Variants in RTKN2 observed in about 807,000 individuals in gnomAD.
The protein encoded by RTKN2 is rhotekin 2.
RTKN2 carries 69 observed loss-of-function variants against 71.5 expected under a neutral mutation model. That is an observed-to-expected ratio of 0.96 (90% CI 0.79 to 1.18). The LOEUF (loss-of-function observed/expected upper bound fraction) is 1.18. Ranked by LOEUF, RTKN2 falls within the 50% of genes most tolerant of loss-of-function variation. RTKN2 has a pLI of 0.00. For synonymous variants in RTKN2, 236 were observed against 236.5 expected (o/e 1.00, Z 0.02); for missense variants, 724 against 719.7 (o/e 1.01, Z -0.07).
At chr10:62,250,959 C>G (rs902376257) in intron 2 of RTKN2, among the ~76,000 whole-genome samples, 1 of 152,188 alleles carries the variant, frequency 6.6e-6, no homozygotes, top group African/African-American at 2.4e-5. Flanking sequence ...AAACTGCACA[C>G]CATTCTGAGT....
At chr10:62,249,435 AT>A (rs1057515205) in intron 2 of RTKN2, among the ~76,000 whole-genome samples, 1 of 136,540 alleles carries the variant, frequency 7.3e-6, no homozygotes, top group Non-Finnish European at 1.5e-5. Flanking sequence ...TTGCTGAAAT[AT>A]AAGCTCCGTG....
chr10:62,209,160 C>T (rs1044474660), intron 9 of RTKN2, among the ~76,000 whole-genome samples: 21 of 151,834 alleles, frequency 1.4e-4, no homozygotes, highest in African/African-American at 4.6e-4. Flanking sequence ...CCCAGCTACC[C>T]GGGAGGCTGA....
At chr10:62,218,633 A>G (rs570339275) in intron 7 of RTKN2, among the ~76,000 whole-genome samples, 24 of 152,252 alleles carry the variant, frequency 1.6e-4, no homozygotes, top group Non-Finnish European at 2.8e-4. Context: ...CTCATTTAAT[A>G]TAAAAACATT....
intron 6 of RTKN2, among the ~76,000 whole-genome samples, chr10:62,223,806 A>G (rs1841960983): frequency 6.6e-6 from 1 of 152,204 alleles, no homozygotes; most frequent in Non-Finnish European, 1.5e-5. Flanking sequence ...TGATCCAGCA[A>G]TTCTACTCTG....
chr10:62,188,821 C>T (rs1023305203), downstream of RTKN2, among the ~76,000 whole-genome samples: 14 of 151,926 alleles, frequency 9.2e-5, no homozygotes, highest in Non-Finnish European at 2.1e-4. Context: ...GATCTTGGCT[C>T]ACTGCAAGCT....
At chr10:62,268,260 C>T (rs1275858391) in intron 1 of RTKN2, among the ~76,000 whole-genome samples, 2 of 152,248 alleles carry the variant, frequency 1.3e-5, no homozygotes, top group South Asian at 2.1e-4. Flanking sequence ...AAAAGACAGG[C>T]GTCCAAAGCC....
intron 6 of RTKN2, among the ~76,000 whole-genome samples, chr10:62,228,685 T>C (rs1187472889): frequency 2.6e-5 from 4 of 152,160 alleles, no homozygotes; most frequent in African/African-American, 9.7e-5. Context: ...GGAGGAAACA[T>C]GCAGGAGCCT....
chr10:62,247,484 G>A (rs574816935), intron 2 of RTKN2, among the ~76,000 whole-genome samples: 3 of 151,896 alleles, frequency 2.0e-5, no homozygotes, highest in Non-Finnish European at 4.4e-5. Context: ...ATTACTTTAT[G>A]GCCATATCTG....
chr10:62,217,844 C>G (rs965561624), intron 8 of RTKN2, among the ~76,000 whole-genome samples: 5 of 152,066 alleles, frequency 3.3e-5, no homozygotes, highest in African/African-American at 1.2e-4. Flanking sequence ...AGTCCTAAAC[C>G]GTGCCAAACG....
chr10:62,217,322 T>G, intron 8 of RTKN2, 73 bp from the exon 9 acceptor site: 2 of 1,028,718 alleles, frequency 1.9e-6, no homozygotes, highest in Non-Finnish European at 1.4e-6. Context: ...ATCAAAATAC[T>G]TATCAAGGTT....
At chr10:62,228,172 G>A (rs977774361) in intron 6 of RTKN2, among the ~76,000 whole-genome samples, 1 of 152,176 alleles carries the variant, frequency 6.6e-6, no homozygotes, top group Non-Finnish European at 1.5e-5. Context: ...GAAATTTAAT[G>A]AAAGTTAGTT....
intron 2 of RTKN2, among the ~76,000 whole-genome samples, chr10:62,251,321 T>C (rs1036728393): frequency 6.6e-6 from 1 of 152,244 alleles, no homozygotes; most frequent in Non-Finnish European, 1.5e-5. Context: ...CATCTCTTAC[T>C]GTGCCTAATT....
chr10:62,251,847 A>G (rs1019297285), intron 2 of RTKN2, among the ~76,000 whole-genome samples: 1 of 152,076 alleles, frequency 6.6e-6, no homozygotes, highest in Non-Finnish European at 1.5e-5. Flanking sequence ...CATTTCTGAA[A>G]TGAACATTAA....
At chr10:62,243,309 TTTTG>T (rs924903090) in intron 3 of RTKN2, among the ~76,000 whole-genome samples, 104 of 152,186 alleles carry the variant, frequency 6.8e-4, no homozygotes, top group African/African-American at 2.5e-3. Context: ...GACATTGTAA[TTTTG>T]TTTTTGATTT....
chr10:62,218,369 TTTTGA>T, intron 7 of RTKN2, 68 bp from the exon 8 acceptor site: 1 of 1,050,436 alleles, frequency 9.5e-7, no homozygotes, highest in Non-Finnish European at 1.4e-6. Context: ...TCATCATACA[TTTTGA>T]TTTTTCTCTT....
At chr10:62,239,909 A>G in intron 4 of RTKN2, 144 bp from the exon 5 acceptor site, 1 of 544,314 alleles carries the variant, frequency 1.8e-6, no homozygotes, top group Non-Finnish European at 3.2e-6. Flanking sequence ...TCTTACAGTG[A>G]CTGTTCTCCC....
intron 1 of RTKN2, among the ~76,000 whole-genome samples, chr10:62,264,584 T>C (rs1221647857): frequency 4.0e-4 from 61 of 152,182 alleles, no homozygotes; most frequent in Admixed American, 3.8e-3. Flanking sequence ...GGAGTGCACA[T>C]AGGGAGCAAC....
chr10:62,231,212 C>T (rs1842142014), intron 6 of RTKN2, among the ~76,000 whole-genome samples: 1 of 152,006 alleles, frequency 6.6e-6, no homozygotes, highest in African/African-American at 2.4e-5. Flanking sequence ...CTGAATTTTA[C>T]CAGTTTTCAC....
Position 62,196,177 on chromosome 10 carries a change from C to T in RTKN2, c.*1731G>A, listed in dbSNP as rs540297936. On this transcript the variant is annotated 3_prime_UTR_variant, in exon 12 of 12. Transcript: ENST00000373789. ...AGCAATGAAGTTTTAAAAAATAACC[C>T]AAAAATTCAAACAATAATATCCTTT... 2 of 978,132 alleles carry T rather than the reference C, an allele frequency of 2.0e-6. No individual in the cohort carries two copies. The highest frequency in any genetic ancestry group is 1.7e-5 in the African/African-American group (1 of 57,150). 60.6% of individuals were successfully genotyped at this position (978,132 alleles called of 1,614,324 possible).
Sources: allele counts gnomAD v4.1 joint callset (sites outside exome capture counted in the v4.1 genomes callset), GRCh38; gene constraint gnomAD v4.1.1; transcripts MANE v1.5; gene names NCBI Gene and HGNC (gene_info 2026-07-23, HGNC 2026-07-21).